PCDH9: variants seen among roughly 807,000 people sequenced by gnomAD.
PCDH9 encodes protocadherin-9.
Under a neutral mutation model 70.6 loss-of-function variants are expected in PCDH9, and 24 were observed. The ratio of observed to expected loss-of-function variants is 0.34; its 90% CI spans 0.25 to 0.48. PCDH9 has a LOEUF of 0.48. PCDH9 is among the 20% of genes least tolerant of loss of function. The pLI is 0.99. For missense variants in PCDH9, 1,281 were observed against 1,503.6 expected (o/e 0.85, Z 2.45); for synonymous variants, 562 against 558.5 (o/e 1.01, Z -0.09).
chr13:66,472,894 T>A (rs1411143357), intron 4 of PCDH9, among the ~76,000 whole-genome samples: 2 of 152,148 alleles, frequency 1.3e-5, no homozygotes, highest in African/African-American at 4.8e-5. Context: ...AATAATGAAT[T>A]TTCTCCTAAA....
chr13:66,429,784 A>G (rs1405908243), intron 4 of PCDH9, among the ~76,000 whole-genome samples: 1 of 152,094 alleles, frequency 6.6e-6, no homozygotes, highest in African/African-American at 2.4e-5. Context: ...TTGAATCACT[A>G]ACAGACAAGG....
At chr13:66,653,014 A>G (rs1031776466) in intron 3 of PCDH9, among the ~76,000 whole-genome samples, 4 of 152,220 alleles carry the variant, frequency 2.6e-5, no homozygotes, top group Non-Finnish European at 5.9e-5. Flanking sequence ...TTAAAGACTT[A>G]AATCTAAGAC....
chr13:67,144,709 T>C (rs1238624525), intron 2 of PCDH9, among the ~76,000 whole-genome samples: 2 of 152,114 alleles, frequency 1.3e-5, no homozygotes. Context: ...TCTTAATAAT[T>C]TATTCCACTT....
intron 3 of PCDH9, among the ~76,000 whole-genome samples, chr13:66,648,319 C>T (rs1377562941): frequency 2.0e-5 from 3 of 152,280 alleles, no homozygotes; most frequent in South Asian, 2.1e-4. Flanking sequence ...CACAGGAGTG[C>T]TTGAGTCACC....
At chr13:66,902,036 A>T (rs2082284179) in intron 3 of PCDH9, among the ~76,000 whole-genome samples, 1 of 151,590 alleles carries the variant, frequency 6.6e-6, no homozygotes, top group Non-Finnish European at 1.5e-5. Flanking sequence ...TTTCTCTGCC[A>T]TCCAATTAGA....
chr13:66,481,585 T>G (rs1283088490), intron 4 of PCDH9, among the ~76,000 whole-genome samples: 1 of 152,208 alleles, frequency 6.6e-6, no homozygotes, highest in African/African-American at 2.4e-5. Flanking sequence ...TAATGTGACT[T>G]GCTTTATTGT....
At chr13:67,023,693 T>G (rs2084724255) in intron 2 of PCDH9, among the ~76,000 whole-genome samples, 1 of 152,130 alleles carries the variant, frequency 6.6e-6, no homozygotes, top group African/African-American at 2.4e-5. Flanking sequence ...AGCTCCTGAA[T>G]GGAGAGACTT....
At chr13:66,314,028 A>G (rs539830658) in intron 4 of PCDH9, among the ~76,000 whole-genome samples, 23 of 152,354 alleles carry the variant, frequency 1.5e-4, no homozygotes, top group African/African-American at 5.3e-4. Context: ...TTAAATTAAT[A>G]TATCACAGCT....
At chr13:66,333,789 G>A (rs1401727231) in intron 4 of PCDH9, among the ~76,000 whole-genome samples, 1 of 152,118 alleles carries the variant, frequency 6.6e-6, no homozygotes, top group Non-Finnish European at 1.5e-5. Context: ...TGTAAAAAAT[G>A]TATGTGACCC....
At chr13:66,713,937 C>A (rs1280298698) in intron 3 of PCDH9, among the ~76,000 whole-genome samples, 1 of 151,916 alleles carries the variant, frequency 6.6e-6, no homozygotes, top group Non-Finnish European at 1.5e-5. Context: ...GCTAAATATT[C>A]TTTTTGTAAC....
At chr13:66,793,330 TAGAA>T (rs1449321648) in intron 3 of PCDH9, among the ~76,000 whole-genome samples, 2 of 152,120 alleles carry the variant, frequency 1.3e-5, no homozygotes, top group South Asian at 2.1e-4. Context: ...TATGCATAGA[TAGAA>T]AGACATTTTC....
At chr13:66,484,439 G>A (rs977395080) in intron 4 of PCDH9, among the ~76,000 whole-genome samples, 21 of 152,078 alleles carry the variant, frequency 1.4e-4, no homozygotes, top group Non-Finnish European at 3.1e-4. Flanking sequence ...ACCGTGCGAG[G>A]GCGATAAAAG....
intron 2 of PCDH9, chr13:67,217,817 G>C (rs1333761563): frequency 6.6e-6 from 1 of 151,906 alleles, no homozygotes; most frequent in Non-Finnish European, 1.5e-5. Flanking sequence ...TTCTTCTTAG[G>C]AGAAATGAAG....
chr13:66,561,712 C>G (rs1276896395), intron 4 of PCDH9, among the ~76,000 whole-genome samples: 3 of 152,014 alleles, frequency 2.0e-5, no homozygotes, highest in African/African-American at 7.2e-5. Context: ...CTAGTGGGGA[C>G]ATGGAGAACC....
intron 4 of PCDH9, among the ~76,000 whole-genome samples, chr13:66,568,994 CTTTTT>C (rs61067249): frequency 1.7e-5 from 1 of 58,316 alleles, no homozygotes; most frequent in Non-Finnish European, 3.0e-5. Context: ...GGAAACATGT[CTTTTT>C]TTTTTTTTTT....
intron 4 of PCDH9, among the ~76,000 whole-genome samples, chr13:66,373,820 A>T (rs922562687): frequency 6.6e-6 from 1 of 152,180 alleles, no homozygotes; most frequent in Non-Finnish European, 1.5e-5. Context: ...ACAGTGTTAT[A>T]GAAGGCCAGA....
At chr13:66,804,682 T>C (rs1206253077) in intron 3 of PCDH9, among the ~76,000 whole-genome samples, 1 of 152,200 alleles carries the variant, frequency 6.6e-6, no homozygotes, top group Non-Finnish European at 1.5e-5. Flanking sequence ...ATCATAGCTC[T>C]TATACTTTTC....
At chr13:67,110,000 A>G (rs909319076) in intron 2 of PCDH9, among the ~76,000 whole-genome samples, 5 of 152,180 alleles carry the variant, frequency 3.3e-5, no homozygotes, top group Admixed American at 1.3e-4. Flanking sequence ...GTAATATTTT[A>G]GAGAAATACA....
chr13:66,671,844 G>T (rs1343859478), intron 3 of PCDH9, among the ~76,000 whole-genome samples: 1 of 152,148 alleles, frequency 6.6e-6, no homozygotes, highest in Non-Finnish European at 1.5e-5. Context: ...TAACAGTTTG[G>T]AAAATTTGCA....
Sources: allele counts gnomAD v4.1 joint callset (sites outside exome capture counted in the v4.1 genomes callset), GRCh38; gene constraint gnomAD v4.1.1; transcripts MANE v1.5; gene names NCBI Gene and HGNC (gene_info 2026-07-23, HGNC 2026-07-21).